The following FRMD4A variants were observed in gnomAD, a reference collection of about 807,000 sequenced individuals.
FRMD4A encodes the protein FERM domain containing 4A.
FRMD4A carries 29 observed loss-of-function variants against 129.1 expected under a neutral mutation model. The observed-to-expected ratio is 0.22, with a 90% CI of 0.17 to 0.31. FRMD4A has a LOEUF of 0.31. FRMD4A is among the 10% of genes least tolerant of loss of function. The probability of loss-of-function intolerance (pLI) is 1.00; values close to 1 mark genes in which losing one functional copy is unlikely to be tolerated. For synonymous variants in FRMD4A, 634 were observed against 571.6 expected (o/e 1.11, Z -1.56); for missense variants, 1,272 against 1,375.8 (o/e 0.92, Z 1.19).
intron 9 of FRMD4A, among the ~76,000 whole-genome samples, chr10:13,746,593 C>G (rs1471844122): frequency 6.6e-6 from 1 of 152,126 alleles, no homozygotes; most frequent in African/African-American, 2.4e-5. Context: ...AGTGTCCAGA[C>G]AAGACAAAAT....
At chr10:14,075,748 A>C (rs946645866) in intron 2 of FRMD4A, among the ~76,000 whole-genome samples, 26 of 5,622 alleles carry the variant, frequency 4.6e-3, no homozygotes, top group African/African-American at 5.4e-3. Context: ...TGTATATTTT[A>C]TATTTATACA....
At chr10:14,310,075 T>G (rs1179241482) in intron 2 of FRMD4A, among the ~76,000 whole-genome samples, 1 of 152,198 alleles carries the variant, frequency 6.6e-6, no homozygotes, top group Non-Finnish European at 1.5e-5. Flanking sequence ...TGAACCCCAA[T>G]GCATCTTCGA....
chr10:14,329,786 T>C (rs1843439177), intron 2 of FRMD4A, among the ~76,000 whole-genome samples: 2 of 152,190 alleles, frequency 1.3e-5, no homozygotes, highest in South Asian at 4.1e-4. Context: ...GCAATCTATT[T>C]CGAGGGGCTC....
chr10:14,004,099 A>G (rs993657034), intron 2 of FRMD4A, among the ~76,000 whole-genome samples: 7 of 152,232 alleles, frequency 4.6e-5, no homozygotes, highest in African/African-American at 1.7e-4. Context: ...TTTGTTTTCC[A>G]CGTGTCTTAC....
chr10:13,956,078 A>G (rs866394526), intron 2 of FRMD4A, among the ~76,000 whole-genome samples: 1 of 152,220 alleles, frequency 6.6e-6, no homozygotes, highest in African/African-American at 2.4e-5. Flanking sequence ...TAATAATGAA[A>G]TACTACCATT....
intron 2 of FRMD4A, among the ~76,000 whole-genome samples, chr10:13,892,982 T>A (rs1378788487): frequency 6.6e-6 from 1 of 152,200 alleles, no homozygotes; most frequent in Admixed American, 6.5e-5. Context: ...GGCATACAGT[T>A]AGCATTGGAG....
intron 15 of FRMD4A, among the ~76,000 whole-genome samples, chr10:13,688,045 TTAAC>T (rs1227565481): frequency 4.6e-5 from 7 of 152,150 alleles, no homozygotes; most frequent in African/African-American, 7.2e-5. Flanking sequence ...ACCAATCACT[TTAAC>T]TACGCTGAAA....
intron 6 of FRMD4A, among the ~76,000 whole-genome samples, chr10:13,779,319 GAAA>G (rs36067710): frequency 9.0e-5 from 13 of 144,822 alleles, no homozygotes; most frequent in South Asian, 2.2e-4. Flanking sequence ...CCATCTCCAA[GAAA>G]AAAAAAAAAA....
intron 2 of FRMD4A, among the ~76,000 whole-genome samples, chr10:14,206,820 A>AAAAAAAAG (rs1429238276): frequency 2.4e-5 from 3 of 127,382 alleles, no homozygotes; most frequent in Non-Finnish European, 1.7e-5. Flanking sequence ...AAAAAAAAAA[A>AAAAAAAAG]AGAGAGACAG....
intron 2 of FRMD4A, among the ~76,000 whole-genome samples, chr10:14,188,649 G>A (rs1470368626): frequency 1.3e-5 from 2 of 152,214 alleles, no homozygotes; most frequent in African/African-American, 4.8e-5. Flanking sequence ...GCTGCGCACA[G>A]TAGCTCAGAC....
At chr10:14,144,875 G>A (rs574330789) in intron 2 of FRMD4A, among the ~76,000 whole-genome samples, 1 of 152,294 alleles carries the variant, frequency 6.6e-6, no homozygotes, top group Non-Finnish European at 1.5e-5. Context: ...GGGGTCAAGA[G>A]GAGTTTTGGA....
intron 2 of FRMD4A, among the ~76,000 whole-genome samples, chr10:14,280,002 T>TC (rs1845466361): frequency 6.6e-6 from 1 of 152,170 alleles, no homozygotes; most frequent in South Asian, 2.1e-4. Flanking sequence ...ACTCCTGACT[T>TC]CAATTTCTTA....
intron 3 of FRMD4A, among the ~76,000 whole-genome samples, chr10:13,836,382 C>G (rs1188470681): frequency 6.6e-6 from 1 of 152,186 alleles, no homozygotes; most frequent in African/African-American, 2.4e-5. Flanking sequence ...TTTGGTCACA[C>G]CACAGCCCAA....
intron 2 of FRMD4A, among the ~76,000 whole-genome samples, chr10:14,093,967 G>A (rs1204046205): frequency 6.6e-6 from 1 of 152,230 alleles, no homozygotes; most frequent in Non-Finnish European, 1.5e-5. Flanking sequence ...AAAGACAACA[G>A]CTTTCACCAG....
chr10:14,220,900 T>C (rs1843237309), intron 2 of FRMD4A, among the ~76,000 whole-genome samples: 1 of 151,664 alleles, frequency 6.6e-6, no homozygotes, highest in South Asian at 2.1e-4. Flanking sequence ...CTCTACTGTA[T>C]TGATTGGACT....
intron 2 of FRMD4A, chr10:14,008,352 G>A (rs2095669929): frequency 9.7e-7 from 1 of 1,028,074 alleles, no homozygotes; most frequent in Non-Finnish European, 1.2e-6. Flanking sequence ...GGGGGGATGG[G>A]AAGAAAGAAA....
chr10:13,885,373 T>C (rs11258705), intron 2 of FRMD4A, among the ~76,000 whole-genome samples: 3,720 of 152,246 alleles, frequency 0.024, 163 homozygotes, highest in African/African-American at 0.085. Flanking sequence ...GCAGAGCTGG[T>C]TAGATGACCA....
chr10:13,671,589 T>C (rs962272519), intron 16 of FRMD4A, among the ~76,000 whole-genome samples: 8 of 152,256 alleles, frequency 5.3e-5, no homozygotes, highest in African/African-American at 1.4e-4. Flanking sequence ...GTGAATTTAG[T>C]TGACAGACTT....
At chr10:14,144,868 G>T (rs1014165045) in intron 2 of FRMD4A, among the ~76,000 whole-genome samples, 7 of 152,182 alleles carry the variant, frequency 4.6e-5, no homozygotes, top group African/African-American at 1.7e-4. Context: ...AGGACTTGGG[G>T]TCAAGAGGAG....
Sources: allele counts gnomAD v4.1 joint callset (sites outside exome capture counted in the v4.1 genomes callset), GRCh38; gene constraint gnomAD v4.1.1; transcripts MANE v1.5; gene names NCBI Gene and HGNC (gene_info 2026-07-23, HGNC 2026-07-21).